GARNL3: variants seen among roughly 807,000 people sequenced by gnomAD.
GARNL3 encodes the protein GTPase activating Rap/RanGAP domain like 3.
A neutral mutation model predicts 125.0 loss-of-function variants in GARNL3; 63 were observed. The observed-to-expected ratio is 0.50, with a 90% CI of 0.41 to 0.62. GARNL3 has a LOEUF of 0.62. GARNL3 is among the 20% of genes least tolerant of loss of function. The pLI, the probability that GARNL3 is intolerant of heterozygous loss-of-function variation, is 0.00. For synonymous variants in GARNL3, 439 were observed against 457.5 expected (o/e 0.96, Z 0.52); for missense variants, 994 against 1,244.0 (o/e 0.80, Z 3.02).
intron 1 of GARNL3, among the ~76,000 whole-genome samples, chr9:127,268,289 G>A (rs985080973): frequency 6.6e-6 from 1 of 152,192 alleles, no homozygotes; most frequent in South Asian, 2.1e-4. Context: ...GATCTGTTCT[G>A]TCTAGGTCAA....
At position 127,313,496 on chromosome 9, in the gene GARNL3, G is replaced by A. The variant is rs1229269684; in HGVS notation, c.375G>A (p.Val125=). 1.2e-6 allele frequency: 2 copies of A among 1,614,104 alleles called. No homozygotes were observed. Among genetic ancestry groups the A allele is most frequent in the South Asian group, 2.2e-5 (2 of 91,082 alleles). ...AGAAGAGCCCTTTCTTCTTGTCCGT[G>A]ACCCTTTCTGACCAAAACAATCAAC... ...DAEKSPFFLS[V]TLSDQNNQRV... Residue 125 remains valine (V), a synonymous_variant, in exon 4 of 28, where the codon GTG becomes GTA. Coordinates refer to ENST00000373387, the MANE Select transcript of GARNL3 (RefSeq NM_032293.5).
rs539507770 is a variant in GARNL3 at position 127,256,163 on chromosome 9, A to G, written c.144-8789A>G. 4.1e-4 allele frequency among the ~76,000 whole-genome samples: 63 copies of G among 152,302 alleles called. 1 individual carries two copies. The highest frequency in any genetic ancestry group is 1.4e-3 in the African/African-American group (58 of 41,542). ...ACATGGAGTGATGTTTCCCATACCA[A>G]ATTATACTCTGGGCTGGAAAACCCT... On this transcript the variant is annotated intron_variant, in intron 2 of 10. Transcript: ENST00000439286.
intron 1 of GARNL3, among the ~76,000 whole-genome samples, chr9:127,241,186 G>A (rs763719986): frequency 5.9e-5 from 9 of 152,032 alleles, no homozygotes; most frequent in Non-Finnish European, 1.2e-4. Context: ...GTTTCTTCTC[G>A]TTCCCTGTCC....
chr9:127,316,819 T>G (rs980313149), intron 4 of GARNL3, among the ~76,000 whole-genome samples: 2 of 152,200 alleles, frequency 1.3e-5, no homozygotes, highest in African/African-American at 4.8e-5. Context: ...AACGAGACCA[T>G]GGGCTTGGAA....
intron 21 of GARNL3, among the ~76,000 whole-genome samples, chr9:127,359,531 CTG>C (rs1370443172): frequency 1.3e-5 from 2 of 151,948 alleles, no homozygotes; most frequent in African/African-American, 2.4e-5. Context: ...CTTCTCAAAA[CTG>C]TGTAAGCAGC....
At chr9:127,315,299 T>C (rs2065210646) in intron 4 of GARNL3, among the ~76,000 whole-genome samples, 1 of 152,080 alleles carries the variant, frequency 6.6e-6, no homozygotes, top group Admixed American at 6.6e-5. Flanking sequence ...CAACCCTCGC[T>C]CTCCCAACTG....
chr9:127,272,813 TG>T (rs1403566651), intron 1 of GARNL3, among the ~76,000 whole-genome samples: 1 of 152,160 alleles, frequency 6.6e-6, no homozygotes, highest in Non-Finnish European at 1.5e-5. Flanking sequence ...TTTGAAACTA[TG>T]GATGGTGCTT....
At chr9:127,365,652 C>T (rs1314154247) in intron 22 of GARNL3, among the ~76,000 whole-genome samples, 13 of 152,108 alleles carry the variant, frequency 8.5e-5, no homozygotes, top group African/African-American at 2.9e-4. Context: ...TGCCAGGTGC[C>T]GTGCTCGGTA....
intron 1 of GARNL3, among the ~76,000 whole-genome samples, chr9:127,272,069 G>A (rs554762100): frequency 2.7e-5 from 4 of 150,424 alleles, no homozygotes; most frequent in African/African-American, 1.0e-4. Context: ...GAACTTGCTT[G>A]GCATCTGCAG....
Position 127,385,186 on chromosome 9 carries a change from A to C in GARNL3, c.2388+41A>C. On this transcript the variant is annotated intron_variant, in intron 24 of 27. Transcript: ENST00000373387. The surrounding 1 kb of genome is among the most constrained non-coding windows in gnomAD (Gnocchi z 4.1). ...ATTTTATCTCTGAGTGGTTTGGGGG[A>C]CCCCGGCACTGTGGGATTTCAGGTG... 4 of 1,281,986 alleles carry C rather than the reference A, an allele frequency of 3.1e-6. No homozygotes were observed. The highest frequency in any genetic ancestry group is 3.3e-6 in the Non-Finnish European group (3 of 911,706). The allele number at this position is 1,281,986 out of a possible 1,614,324, so 79.4% of individuals were successfully genotyped here.
rs901163436 is a variant in GARNL3, at chr9:127,240,295, G to T, written c.-28-2784G>T. On this transcript the variant is annotated intron_variant, in intron 1 of 10. Transcript: ENST00000439286. ...GCCCTCAGGTCCCTTTACCGTTTCT[G>T]TGCTCTTTTTCCCATCCTGAGTGCC... Among the ~76,000 whole-genome samples, 3 of 152,160 alleles carry T rather than the reference G, an allele frequency of 2.0e-5. No homozygotes were observed. The South Asian group carries it at 6.2e-4, about 32-fold the overall frequency.
chr9:127,293,779 A>G (rs1434613353), intron 2 of GARNL3, among the ~76,000 whole-genome samples: 2 of 152,182 alleles, frequency 1.3e-5, no homozygotes, highest in African/African-American at 4.8e-5. Context: ...GAAAATTTTT[A>G]GGAATAATAT....
At position 127,336,130 on chromosome 9, in the gene GARNL3, G is replaced by A. The variant is rs60971543; in HGVS notation, c.876G>A (p.Val292=). 13,581 of 1,610,698 alleles carry A rather than the reference G, an allele frequency of 8.4e-3. 1,025 individuals are homozygous for A. The African/African-American group carries it at 0.16, about 19-fold the overall frequency. The part of the protein sequence containing the change: ...LPYSKENKQQ[V]ERKRHIGNDI... ...GATGTTATTTATGCTCACTACAGGTGGAAAGGAAACGCCACATTGGAAACG... is the reference window on the plus strand; with the variant it reads ...GATGTTATTTATGCTCACTACAGGTAGAAAGGAAACGCCACATTGGAAACG... Residue 292 remains valine (V), a splice_region_variant and synonymous_variant, in exon 11 of 28, where the codon GTG becomes GTA. Transcript: ENST00000373387.
intron 2 of GARNL3, among the ~76,000 whole-genome samples, chr9:127,303,850 C>T (rs2064871127): frequency 6.6e-6 from 1 of 152,136 alleles, no homozygotes; most frequent in Admixed American, 6.5e-5. Context: ...CTTCCTCCGT[C>T]ACATCCCACA....
At chr9:127,274,286 C>T (rs1346184268) in intron 1 of GARNL3, among the ~76,000 whole-genome samples, 2 of 152,132 alleles carry the variant, frequency 1.3e-5, no homozygotes, top group African/African-American at 4.8e-5. Context: ...CCATCTTGAG[C>T]TCCGAGTGCT....
At chr9:127,368,210 G>A (rs937680658) in intron 22 of GARNL3, among the ~76,000 whole-genome samples, 7 of 151,732 alleles carry the variant, frequency 4.6e-5, no homozygotes, top group East Asian at 1.9e-4. Flanking sequence ...GGCATTCGCC[G>A]AAGGGGTAGG....
Position 127,345,491 on chromosome 9 carries a change from A to G in GARNL3, c.1431+14A>G. On this transcript the variant is annotated intron_variant, in intron 16 of 27. Coordinates refer to ENST00000373387, the MANE Select transcript of GARNL3 (RefSeq NM_032293.5). ...TGTAAAAAAGAGGTGAGTTCATGAT[A>G]CTTTCAATTTGAACTTTGAATTCCC... is the stretch of plus-strand genomic sequence containing the variant. The G allele has an allele frequency of 2.0e-6, 3 of 1,512,770 alleles. No individual in the cohort carries two copies. Among genetic ancestry groups the G allele is most frequent in the South Asian group, 2.4e-5 (2 of 83,290 alleles). 93.7% of individuals were successfully genotyped at this position (1,512,770 alleles called of 1,614,324 possible). A position where few individuals can be genotyped will look rare whatever the true frequency, so the allele number is the denominator to read the frequency against.
chr9:127,379,840 G>T, intron 22 of GARNL3, among the ~76,000 whole-genome samples: 2 of 152,208 alleles, frequency 1.3e-5, no homozygotes, highest in Non-Finnish European at 2.9e-5. Flanking sequence ...CATTTATCTT[G>T]CTTATTCATT....
chr9:127,348,436 G>A (rs4240417), intron 16 of GARNL3, among the ~76,000 whole-genome samples: 117,074 of 152,226 alleles, frequency 0.77, 45,260 homozygotes, highest in East Asian at 0.93. Flanking sequence ...TGGGTCAATA[G>A]GCATTTTCAC....
Sources: gnomAD v4.1 joint callset for allele counts (sites outside exome capture counted in the v4.1 genomes callset) on GRCh38, gnomAD v4.1.1 for gene constraint, Gnocchi (gnomAD v3.1) non-coding constraint, MANE v1.5 for transcripts, NCBI Gene and HGNC (gene_info 2026-07-23, HGNC 2026-07-21) for gene names.